Variants in RUNX1 observed in about 807,000 individuals in gnomAD.
The protein encoded by RUNX1 is RUNX family transcription factor 1.
Under a neutral mutation model 42.8 loss-of-function variants are expected in RUNX1, and 19 were observed. The observed-to-expected ratio is 0.44, with a 90% CI of 0.31 to 0.65. RUNX1 has a LOEUF of 0.65. RUNX1 is among the 30% of genes least tolerant of loss of function. The pLI is 0.07. For missense variants in RUNX1, 528 were observed against 672.0 expected (o/e 0.79, Z 2.37); for synonymous variants, 271 against 289.4 (o/e 0.94, Z 0.64).
At chr21:34,895,720 T>G (rs2058124800) in intron 2 of RUNX1, among the ~76,000 whole-genome samples, 1 of 148,860 alleles carries the variant, frequency 6.7e-6, no homozygotes, top group Non-Finnish European at 1.5e-5. Flanking sequence ...GGTTGGGGAG[T>G]GGGGGAGGGA....
At chr21:34,839,167 A>T (rs541827608) in intron 6 of RUNX1, among the ~76,000 whole-genome samples, 1 of 152,258 alleles carries the variant, frequency 6.6e-6, no homozygotes, top group East Asian at 1.9e-4. Context: ...CAGAGAGGTT[A>T]TGTCATTTGC....
intron 6 of RUNX1, among the ~76,000 whole-genome samples, chr21:34,853,681 C>T (rs193199817): frequency 1.6e-3 from 240 of 152,206 alleles, no homozygotes; most frequent in African/African-American, 5.4e-3. Flanking sequence ...TTGCTATTAT[C>T]GAGTATTTTT....
chr21:34,953,662 A>G (rs2058624721), intron 2 of RUNX1, among the ~76,000 whole-genome samples: 1 of 152,224 alleles, frequency 6.6e-6, no homozygotes, highest in Admixed American at 6.5e-5. Flanking sequence ...CTTTCTTCTG[A>G]TCTCTAAATG....
In RUNX1 at chr21:34,830,331, C is replaced by G. The variant is rs150270978; in HGVS notation, c.805+4079G>C. Among the ~76,000 whole-genome samples the G allele has an allele frequency of 1.4e-4, 22 of 152,270 alleles. No individual in the cohort carries two copies. In the East Asian group the frequency reaches 4.2e-3, roughly 29 times the overall value. On this transcript the variant is annotated intron_variant, in intron 7 of 8. Coordinates refer to ENST00000675419, the MANE Select transcript of RUNX1 (RefSeq NM_001754.5). ...CCTCTTTCACTCTTATTTAGAGATT[C>G]ATTATTCTGAGTTTTCTTTTCTCCC...
chr21:35,019,394 A>G (rs1264364712), intron 2 of RUNX1, among the ~76,000 whole-genome samples: 2 of 152,120 alleles, frequency 1.3e-5, no homozygotes, highest in African/African-American at 2.4e-5. Context: ...CTCCCCACCT[A>G]TTCCACAGGT....
intron 6 of RUNX1, among the ~76,000 whole-genome samples, chr21:34,839,466 A>G (rs1474436001): frequency 6.6e-6 from 1 of 152,214 alleles, no homozygotes; most frequent in African/African-American, 2.4e-5. Context: ...GTGAACTCAA[A>G]GCGAACAGGG....
At chr21:35,013,367 T>C (rs1055420593) in intron 2 of RUNX1, among the ~76,000 whole-genome samples, 1 of 152,242 alleles carries the variant, frequency 6.6e-6, no homozygotes, top group Admixed American at 6.5e-5. Flanking sequence ...CATATAAATC[T>C]AGTTTATAAC....
chr21:34,848,978 G>C lies in RUNX1; in HGVS notation c.613+10496C>G, dbSNP rs142187400. On this transcript the variant is annotated intron_variant, in intron 6 of 8. Coordinates refer to ENST00000675419, the MANE Select transcript of RUNX1 (RefSeq NM_001754.5). Reference sequence around the variant, plus strand: ...TCTTTATTTTAAATAATCAGAATATGACTTTTAAGCCATGGTGAACAAAAA... The same window carrying C: ...TCTTTATTTTAAATAATCAGAATATCACTTTTAAGCCATGGTGAACAAAAA... Among the ~76,000 whole-genome samples, 528 of 151,774 alleles carry C rather than the reference G, an allele frequency of 3.5e-3. 2 individuals are homozygous for C. Among genetic ancestry groups the C allele is most frequent in the African/African-American group, 0.012 (503 of 41,362 alleles).
chr21:34,983,510 AAGGTAATTAC>A (rs970634687), intron 2 of RUNX1, among the ~76,000 whole-genome samples: 1 of 152,226 alleles, frequency 6.6e-6, no homozygotes, highest in Non-Finnish European at 1.5e-5. Flanking sequence ...TGTCAAATAA[AAGGTAATTAC>A]ATGAAATGAT....
At chr21:34,977,250 A>G (rs2058809686) in intron 2 of RUNX1, among the ~76,000 whole-genome samples, 1 of 152,256 alleles carries the variant, frequency 6.6e-6, no homozygotes, top group Non-Finnish European at 1.5e-5. Flanking sequence ...TCCCCACTGT[A>G]CCCAAAGATC....
rs561610619 is a variant in RUNX1, at chr21:34,788,446, G to A, written c.*3689C>T. 1 of 232,764 alleles carries A rather than the reference G, an allele frequency of 4.3e-6. No homozygotes were observed. The highest frequency in any genetic ancestry group is 8.5e-6 in the Non-Finnish European group (1 of 117,740). 14.4% of individuals were successfully genotyped at this position (232,764 alleles called of 1,614,324 possible). A position where few individuals can be genotyped will look rare whatever the true frequency, so the allele number is the denominator to read the frequency against. ...CATGCTATTAGCTGTTTACAAAAGT[G>A]AATAAGAAGTAGCTCATTTTAAAGT... is the stretch of plus-strand genomic sequence containing the variant. On this transcript the variant is annotated 3_prime_UTR_variant, in exon 9 of 9. Transcript: ENST00000675419.
At chr21:34,831,231 T>G (rs1469676543) in intron 7 of RUNX1, among the ~76,000 whole-genome samples, 1 of 151,958 alleles carries the variant, frequency 6.6e-6, no homozygotes, top group Non-Finnish European at 1.5e-5. Flanking sequence ...TTCTATTTCA[T>G]GACAAAATGG....
intron 2 of RUNX1, among the ~76,000 whole-genome samples, chr21:35,010,999 A>G (rs1278830417): frequency 2.6e-5 from 4 of 152,210 alleles, no homozygotes; most frequent in South Asian, 2.1e-4. Context: ...GAGAATTACT[A>G]TATTTTGTAA....
At chr21:34,939,460 T>C (rs2058510526) in intron 2 of RUNX1, among the ~76,000 whole-genome samples, 2 of 152,232 alleles carry the variant, frequency 1.3e-5, no homozygotes, top group Admixed American at 6.5e-5. Flanking sequence ...TGTAGGAAAG[T>C]TACACGTTCA....
At chr21:35,018,663 C>T (rs1430717244) in intron 2 of RUNX1, among the ~76,000 whole-genome samples, 1 of 152,168 alleles carries the variant, frequency 6.6e-6, no homozygotes, top group African/African-American at 2.4e-5. Flanking sequence ...ACATACGCAG[C>T]CCCTCAGGAA....
intron 2 of RUNX1, among the ~76,000 whole-genome samples, chr21:35,027,384 C>A (rs1374546036): frequency 6.6e-6 from 1 of 152,232 alleles, no homozygotes; most frequent in South Asian, 2.1e-4. Context: ...TTCTGCACTT[C>A]TAACAAGTTC....
At chr21:34,933,505 GT>G (rs1317449413) in intron 2 of RUNX1, among the ~76,000 whole-genome samples, 1 of 152,098 alleles carries the variant, frequency 6.6e-6, no homozygotes. Flanking sequence ...AAGTTTTGAT[GT>G]TTTTTTTATG....
chr21:34,852,347 T>G (rs762875406), intron 6 of RUNX1, among the ~76,000 whole-genome samples: 4 of 152,144 alleles, frequency 2.6e-5, no homozygotes, highest in Non-Finnish European at 4.4e-5. Context: ...CACGGTCCTC[T>G]TAGGTTCCCA....
chr21:35,022,114 G>A (rs2059202479), intron 2 of RUNX1, among the ~76,000 whole-genome samples: 3 of 152,218 alleles, frequency 2.0e-5, no homozygotes, highest in African/African-American at 4.8e-5. Flanking sequence ...GACTGAACAC[G>A]GGCTAACATG....
Sources: allele counts gnomAD v4.1 joint callset (sites outside exome capture counted in the v4.1 genomes callset), GRCh38; gene constraint gnomAD v4.1.1; transcripts MANE v1.5; gene names NCBI Gene and HGNC (gene_info 2026-07-23, HGNC 2026-07-21).